PLSCR2: variants seen among roughly 807,000 people sequenced by gnomAD.
PLSCR2 encodes PL scramblase 2.
PLSCR2 carries 18 observed loss-of-function variants against 25.3 expected under a neutral mutation model. That is an observed-to-expected ratio of 0.71 (90% CI 0.49 to 1.06). The LOEUF is 1.06. PLSCR2 is among the 50% of genes least tolerant of loss of function. The probability of loss-of-function intolerance (pLI) is 0.00; values close to 1 mark genes in which losing one functional copy is unlikely to be tolerated. For synonymous variants in PLSCR2, 88 were observed against 87.3 expected, an observed-to-expected ratio of 1.01 and a Z score of -0.04; for missense variants, 243 against 269.5, an observed-to-expected ratio of 0.90 and a Z score of 0.69.
At chr3:146,411,327 C>G (rs897209063) in intron 2 of PLSCR2, among the ~76,000 whole-genome samples, 3 of 152,146 alleles carry the variant, frequency 2.0e-5, no homozygotes, top group African/African-American at 7.2e-5. Context: ...GGGGCTGAGT[C>G]AAAAGAGGGA....
At chr3:146,463,141 C>A (rs1032468874), upstream of PLSCR2, among the ~76,000 whole-genome samples, 2 of 152,202 alleles carry the variant, frequency 1.3e-5, no homozygotes, top group Admixed American at 6.5e-5. Context: ...GGAGCTGTCA[C>A]AGCCATAGCA....
At chr3:146,480,669 T>C (rs569500152) in intron 1 of PLSCR2, among the ~76,000 whole-genome samples, 4 of 152,294 alleles carry the variant, frequency 2.6e-5, no homozygotes, top group Admixed American at 1.3e-4. Context: ...GAGGAGATGG[T>C]ACCATTCCTT....
At chr3:146,441,370 A>G (rs1414286373), downstream of PLSCR2, among the ~76,000 whole-genome samples, 1 of 152,066 alleles carries the variant, frequency 6.6e-6, no homozygotes, top group African/African-American at 2.4e-5. Context: ...CATAAAATAA[A>G]TTATAACTAG....
intron 2 of PLSCR2, among the ~76,000 whole-genome samples, chr3:146,420,208 T>C (rs1257500830): frequency 6.6e-6 from 1 of 152,070 alleles, no homozygotes; most frequent in African/African-American, 2.4e-5. Context: ...ATTGCTTTTA[T>C]AGAGGAGTAG....
At chr3:146,433,923 T>C (rs1016360414) in intron 8 of PLSCR2, among the ~76,000 whole-genome samples, 1 of 152,150 alleles carries the variant, frequency 6.6e-6, no homozygotes, top group Non-Finnish European at 1.5e-5. Context: ...TTGGAGGAGT[T>C]TGCTGAAGCT....
exon 2 of PLSCR2, chr3:146,459,881 T>G (rs756582216): frequency 1.9e-6 from 3 of 1,613,836 alleles, no homozygotes; most frequent in Non-Finnish European, 2.5e-6. Context: ...GCGGACAGTT[T>G]AATGGTGGTG....
intron 2 of PLSCR2, among the ~76,000 whole-genome samples, chr3:146,403,173 C>A (rs2038538584): frequency 6.6e-6 from 1 of 152,082 alleles, no homozygotes; most frequent in South Asian, 2.1e-4. Flanking sequence ...CATGCACACT[C>A]CTAACTACAT....
chr3:146,435,701 A>T (rs2039801248), intron 8 of PLSCR2, among the ~76,000 whole-genome samples: 1 of 151,808 alleles, frequency 6.6e-6, no homozygotes, highest in African/African-American at 2.4e-5. Context: ...GATTGTAAAA[A>T]TTTTCTCCCA....
At chr3:146,463,719 G>T, upstream of PLSCR2, 1 of 247,728 alleles carries the variant, frequency 4.0e-6, no homozygotes, top group Non-Finnish European at 6.4e-6. Context: ...CTCCAGTGTT[G>T]GCTTCCCTTT....
intron 5 of PLSCR2, among the ~76,000 whole-genome samples, chr3:146,451,560 C>G (rs752660758): frequency 1.3e-5 from 2 of 152,152 alleles, no homozygotes; most frequent in African/African-American, 4.8e-5. Context: ...TTAGACTCTT[C>G]TAAGCAATAA....
intron 2 of PLSCR2, among the ~76,000 whole-genome samples, chr3:146,415,354 A>G (rs1247677043): frequency 6.6e-6 from 1 of 152,084 alleles, no homozygotes; most frequent in Non-Finnish European, 1.5e-5. Flanking sequence ...ATTTTACTTC[A>G]CCATGGAAAC....
intron 2 of PLSCR2, chr3:146,416,359 A>G (rs963276702): frequency 6.6e-6 from 1 of 152,108 alleles, no homozygotes; most frequent in Non-Finnish European, 1.5e-5. Flanking sequence ...ATAAAAATTT[A>G]AATATAAATA....
At chr3:146,486,465 C>A (rs2043347407) in intron 1 of PLSCR2, among the ~76,000 whole-genome samples, 2 of 149,724 alleles carry the variant, frequency 1.3e-5, no homozygotes, top group African/African-American at 4.9e-5. Context: ...CAAATAGACA[C>A]AATAAAAAAT....
intron 2 of PLSCR2, among the ~76,000 whole-genome samples, chr3:146,416,325 G>A (rs1376821512): frequency 2.6e-5 from 4 of 151,864 alleles, no homozygotes; most frequent in Admixed American, 2.6e-4. Flanking sequence ...TATGTAAAGT[G>A]TAAGTTTACT....
At chr3:146,455,414 C>T (rs1205019746) in exon 4 of PLSCR2, 4 of 1,613,318 alleles carry the variant, frequency 2.5e-6, no homozygotes, top group Non-Finnish European at 3.4e-6. Context: ...CTGCCCAAAG[C>T]TGTTCTTGAT....
At chr3:146,476,653 C>G (rs972978145) in intron 1 of PLSCR2, among the ~76,000 whole-genome samples, 5 of 152,240 alleles carry the variant, frequency 3.3e-5, no homozygotes, top group African/African-American at 1.2e-4. Context: ...GCCATCACTA[C>G]AGCTCCAGCC....
At chr3:146,426,589 C>A (rs911381720) in intron 2 of PLSCR2, among the ~76,000 whole-genome samples, 3 of 150,678 alleles carry the variant, frequency 2.0e-5, no homozygotes, top group African/African-American at 2.5e-5. Flanking sequence ...TCTACCCTAA[C>A]AAATTGAGTT....
intron 2 of PLSCR2, among the ~76,000 whole-genome samples, chr3:146,405,255 G>C (rs2038624181): frequency 6.6e-6 from 1 of 152,130 alleles, no homozygotes; most frequent in East Asian, 1.9e-4. Context: ...CCAGGTGCAG[G>C]GGCTTTAAGA....
chr3:146,479,853 A>C (rs993880639), intron 1 of PLSCR2, among the ~76,000 whole-genome samples: 1 of 152,210 alleles, frequency 6.6e-6, no homozygotes, highest in South Asian at 2.1e-4. Flanking sequence ...ACTCCTCTGC[A>C]AATGTAAAAG....
Sources: allele counts gnomAD v4.1 joint callset (sites outside exome capture counted in the v4.1 genomes callset), GRCh38; gene constraint gnomAD v4.1.1; transcripts MANE v1.5; gene names NCBI Gene and HGNC (gene_info 2026-07-23, HGNC 2026-07-21).